DNMT3A: variants seen among roughly 807,000 people sequenced by gnomAD.
DNMT3A encodes DNA methyltransferase 3 alpha, also known as DNA (cytosine-5)-methyltransferase 3A.
In DNMT3A, 267 loss-of-function variants were observed where a neutral mutation model predicts 117.6. The ratio of observed to expected loss-of-function variants is 2.27; its 90% CI spans 2.05 to 2.51. The LOEUF (loss-of-function observed/expected upper bound fraction) is 2.51. Among genes scored for constraint, DNMT3A ranks in the 30% most tolerant of loss-of-function variants. The pLI is 0.00. For missense variants in DNMT3A, 1,029 were observed against 1,260.2 expected, an observed-to-expected ratio of 0.82 and a Z score of 2.78; for synonymous variants, 432 against 474.8, an observed-to-expected ratio of 0.91 and a Z score of 1.17.
chr2:25,264,373 CAAG>C (rs2030050180), intron 6 of DNMT3A, among the ~76,000 whole-genome samples: 1 of 151,920 alleles, frequency 6.6e-6, no homozygotes, highest in African/African-American at 2.4e-5. Flanking sequence ...TTCCTGGCCT[CAAG>C]AGATCCACCC....
At position 25,257,294 on chromosome 2, in the gene DNMT3A, G is replaced by A. The variant is rs548991527; in HGVS notation, c.640-9042C>T. On this transcript the variant is annotated intron_variant, in intron 6 of 22. Coordinates refer to ENST00000321117, the MANE Select transcript of DNMT3A (RefSeq NM_022552.5). This position sits in a 1 kb window ranked among gnomAD's most constrained non-coding sequence, Gnocchi z 4.8. ...AGGGGTCCAAAGGCTCGCACCTAGC[G>A]GTGTTCTGCCTTCTGGCAGCTCCTG... is the stretch of plus-strand genomic sequence containing the variant. Among the ~76,000 whole-genome samples the A allele has an allele frequency of 5.9e-5, 9 of 152,330 alleles. No homozygotes were observed. Among genetic ancestry groups the A allele is most frequent in the South Asian group, 2.1e-4 (1 of 4,832 alleles).
chr2:25,330,191 G>T (rs1373869241), intron 1 of DNMT3A, among the ~76,000 whole-genome samples: 1 of 152,206 alleles, frequency 6.6e-6, no homozygotes, highest in Non-Finnish European at 1.5e-5. Context: ...ATCATTAAGG[G>T]TATGCCAGAT....
In DNMT3A at chr2:25,334,561, T is replaced by C. The variant is rs551593085; in HGVS notation, c.-178+7265A>G. Among the ~76,000 whole-genome samples the C allele has an allele frequency of 1.3e-4, 20 of 152,322 alleles. No individual in the cohort carries two copies. The South Asian group carries it at 4.1e-3, about 32-fold the overall frequency. On this transcript the variant is annotated intron_variant, in intron 1 of 22. Transcript: ENST00000321117. ...CCACAACAGCCCATCAGACTGATGCTTTTGGGGGAAGATCCTCAGTGATTT... is the reference window on the plus strand; with the variant it reads ...CCACAACAGCCCATCAGACTGATGCCTTTGGGGGAAGATCCTCAGTGATTT...
In DNMT3A at chr2:25,339,909, G is replaced by A. The variant is rs1361522899; in HGVS notation, c.-178+1917C>T. 2.0e-5 allele frequency among the ~76,000 whole-genome samples: 3 copies of A among 148,612 alleles called. No homozygotes were observed. Among genetic ancestry groups the A allele is most frequent in the African/African-American group, 7.5e-5 (3 of 40,020 alleles). Reference sequence around the variant, plus strand: ...AGGAGGCGACACTGGAGCAGCACCTGATCCCAGGATCCCTTCGTAGCCGCC... The same window carrying A: ...AGGAGGCGACACTGGAGCAGCACCTAATCCCAGGATCCCTTCGTAGCCGCC... On this transcript the variant is annotated intron_variant, in intron 1 of 22. Transcript: ENST00000321117. This position sits in a 1 kb window ranked among gnomAD's most constrained non-coding sequence, Gnocchi z 4.9.
In DNMT3A at chr2:25,294,772, C is replaced by T. The variant is rs1324789593; in HGVS notation, c.177+5367G>A. Among the ~76,000 whole-genome samples, 1 of 152,188 alleles carries T rather than the reference C, an allele frequency of 6.6e-6. No individual in the cohort carries two copies. Among genetic ancestry groups the T allele is most frequent in the Non-Finnish European group, 1.5e-5 (1 of 68,026 alleles). On this transcript the variant is annotated intron_variant, in intron 3 of 22. Transcript: ENST00000321117. The surrounding 1 kb of genome is among the most constrained non-coding windows in gnomAD (Gnocchi z 4.7). ...TTTAGGTTACCCCAAGTCATCTGCT[C>T]TGAAGTGGGGCAGTTTGCCCTCTTG... is the stretch of plus-strand genomic sequence containing the variant.
rs1452628246 is a variant in DNMT3A at position 25,231,041 on chromosome 2, G to C, written c.*3238C>G. ...GAGCACCAGGCCCAGTTCCGGTGGA[G>C]CTTGGGCCGCTGGGAAAGGCTAACT... On this transcript the variant is annotated 3_prime_UTR_variant, in exon 23 of 23. Transcript: ENST00000321117. 2.0e-5 allele frequency: 3 copies of C among 152,430 alleles called. No individual in the cohort carries two copies. Among genetic ancestry groups the C allele is most frequent in the Non-Finnish European group, 4.4e-5 (3 of 68,102 alleles). 9.4% of individuals were successfully genotyped at this position (152,430 alleles called of 1,614,324 possible). A position where few individuals can be genotyped will look rare whatever the true frequency, so the allele number is the denominator to read the frequency against.
At position 25,281,328 on chromosome 2, in the gene DNMT3A, C is replaced by A. The variant is rs2031872587; in HGVS notation, c.448+1113G>T. ...TCTCCTGAAATGAGGATAATCATAT[C>A]TCTTGAATAAGATTGTTAGAGGAGT... On this transcript the variant is annotated intron_variant, in intron 4 of 22. Transcript: ENST00000321117. This position sits in a 1 kb window ranked among gnomAD's most constrained non-coding sequence, Gnocchi z 4.8. The A allele has an allele frequency of 7.8e-6, 5 of 644,586 alleles. No individual in the cohort carries two copies. The highest frequency in any genetic ancestry group is 9.8e-6 in the Non-Finnish European group (5 of 510,154). The allele number at this position is 644,586 out of a possible 1,614,324, so 39.9% of individuals were successfully genotyped here.
At chr2:25,328,866 G>A in intron 1 of DNMT3A, 3 of 376,124 alleles carry the variant, frequency 8.0e-6, no homozygotes, top group Non-Finnish European at 1.7e-5. Context: ...GGGTTGGTGA[G>A]GGCCTAGGCT....
rs1672795454 is a variant in DNMT3A at position 25,229,632 on chromosome 2, C to A, written c.*4647G>T. ...AGGAAGCAAGCAGCCCTCTTCAGGG[C>A]ACAGTGCCAGGCAGCACCCCCTCCC... On this transcript the variant is annotated 3_prime_UTR_variant, in exon 23 of 23. Coordinates refer to ENST00000321117, the MANE Select transcript of DNMT3A (RefSeq NM_022552.5). 6.6e-6 allele frequency: 1 copy of A among 152,268 alleles called. No individual in the cohort carries two copies. The highest frequency in any genetic ancestry group is 1.5e-5 in the Non-Finnish European group (1 of 68,080). 9.4% of individuals were successfully genotyped at this position (152,268 alleles called of 1,614,324 possible).
chr2:25,280,617 A>C (rs1573416155), intron 4 of DNMT3A, among the ~76,000 whole-genome samples: 1 of 152,042 alleles, frequency 6.6e-6, no homozygotes, highest in East Asian at 1.9e-4. Flanking sequence ...GCTTATCTCC[A>C]TGTGTAATCT....
chr2:25,240,772 A>G, intron 17 of DNMT3A, 42 bp from the exon 18 acceptor site: 2 of 1,567,588 alleles, frequency 1.3e-6, no homozygotes, highest in South Asian at 2.2e-5. Context: ...CTGTCCAGGG[A>G]CAGAGGCAGA....
chr2:25,262,841 A>T (rs1183180898), intron 6 of DNMT3A, among the ~76,000 whole-genome samples: 1 of 152,084 alleles, frequency 6.6e-6, no homozygotes, highest in Non-Finnish European at 1.5e-5. Flanking sequence ...TAACCCCTGC[A>T]CCCTAGTTAC....
intron 1 of DNMT3A, 34 bp downstream of exon 1, chr2:25,341,792 G>T (rs1434045402): frequency 1.8e-5 from 18 of 976,988 alleles, no homozygotes; most frequent in Non-Finnish European, 2.2e-5. Flanking sequence ...CCTCCGGGCC[G>T]GCCTTCCGGG....
intron 1 of DNMT3A, among the ~76,000 whole-genome samples, chr2:25,334,001 T>G (rs2035112845): frequency 6.6e-6 from 1 of 152,188 alleles, no homozygotes; most frequent in African/African-American, 2.4e-5. Flanking sequence ...ATTAAACAGC[T>G]GGTTTGTAGA....
At position 25,237,428 on chromosome 2, in the gene DNMT3A, G is replaced by A. The variant is rs1253025670; in HGVS notation, c.2409-423C>T. On this transcript the variant is annotated intron_variant, in intron 20 of 22. Coordinates refer to ENST00000321117, the MANE Select transcript of DNMT3A (RefSeq NM_022552.5). This position sits in a 1 kb window ranked among gnomAD's most constrained non-coding sequence, Gnocchi z 5.4. The stretch of plus-strand genomic sequence containing the variant: ...TGATTGTTACACGGGTGTGTCCACT[G>A]GATGAAATTAATCAAACCGCAAGCC... Among the ~76,000 whole-genome samples, 1 of 152,156 alleles carries A rather than the reference G, an allele frequency of 6.6e-6. No individual in the cohort carries two copies. Among genetic ancestry groups the A allele is most frequent in the African/African-American group, 2.4e-5 (1 of 41,436 alleles).
chr2:25,277,975 G>T (rs1377133426), intron 4 of DNMT3A, among the ~76,000 whole-genome samples: 1 of 148,988 alleles, frequency 6.7e-6, no homozygotes, highest in Non-Finnish European at 1.5e-5. Flanking sequence ...CTCCCTGACA[G>T]ACTCTGCGCA....
At chr2:25,246,361 C>A (rs1187849287) in intron 10 of DNMT3A, 52 bp from the exon 11 acceptor site, 1 of 1,549,958 alleles carries the variant, frequency 6.5e-7, no homozygotes, top group African/African-American at 1.4e-5. Flanking sequence ...CAGGAAACTC[C>A]AGCCCCTTCC....
In DNMT3A at chr2:25,247,589, A is replaced by G; in HGVS notation, c.1014+2T>C. 1 of 1,613,346 alleles carries G rather than the reference A, an allele frequency of 6.2e-7. No homozygotes were observed. Among genetic ancestry groups the G allele is most frequent in the Non-Finnish European group, 8.5e-7 (1 of 1,179,746 alleles). On this transcript the variant is annotated splice_donor_variant, in intron 8 of 22. Coordinates refer to ENST00000321117, the MANE Select transcript of DNMT3A (RefSeq NM_022552.5). LOFTEE classifies it high-confidence loss of function. The surrounding 1 kb of genome is among the most constrained non-coding windows in gnomAD (Gnocchi z 5.6). ...AGGCTACTGCCAAACCCCACAACTTACCACTGAGAATTTGCCGTCTCCGAA... is the reference window on the plus strand; with the variant it reads ...AGGCTACTGCCAAACCCCACAACTTGCCACTGAGAATTTGCCGTCTCCGAA...
rs10628428 is a variant in DNMT3A at position 25,308,968 on chromosome 2, T to TACACACACACACAC, written c.72+4931_72+4944dup. The stretch of plus-strand genomic sequence containing the variant: ...AGCCCCAATGCTGCCCACAGATGCA[T>TACACACACACACAC]ACACACACACACACACACACACACA... On this transcript the variant is annotated intron_variant, in intron 2 of 22. Coordinates refer to ENST00000321117, the MANE Select transcript of DNMT3A (RefSeq NM_022552.5). Among the ~76,000 whole-genome samples the TACACACACACACAC allele has an allele frequency of 1.6e-3, 232 of 144,114 alleles. 2 individuals are homozygous for TACACACACACACAC. Among genetic ancestry groups the TACACACACACACAC allele is most frequent in the South Asian group, 2.5e-3 (11 of 4,396 alleles). 94.5% of individuals were successfully genotyped at this position (144,114 alleles called of 152,430 possible). A position where few individuals can be genotyped will look rare whatever the true frequency, so the allele number is the denominator to read the frequency against.
Sources: gnomAD v4.1 joint callset for allele counts (sites outside exome capture counted in the v4.1 genomes callset) on GRCh38, gnomAD v4.1.1 for gene constraint, Gnocchi (gnomAD v3.1) non-coding constraint, MANE v1.5 for transcripts, NCBI Gene and HGNC (gene_info 2026-07-23, HGNC 2026-07-21) for gene names.